The following FMN2 variants were observed in gnomAD, a reference collection of about 807,000 sequenced individuals.
The protein encoded by FMN2 is formin 2.
Under a neutral mutation model 142.3 loss-of-function variants are expected in FMN2, and 51 were observed. The ratio of observed to expected loss-of-function variants is 0.36; its 90% CI spans 0.29 to 0.45. The LOEUF (loss-of-function observed/expected upper bound fraction) is 0.45. Among genes scored for constraint, FMN2 ranks in the 20% least tolerant of loss-of-function variants. The pLI is 1.00. For synonymous variants in FMN2, 882 were observed against 869.8 expected (o/e 1.01, Z -0.25); for missense variants, 1,936 against 2,122.8 (o/e 0.91, Z 1.73).
intron 7 of FMN2, among the ~76,000 whole-genome samples, chr1:240,269,436 G>T (rs953546638): frequency 6.6e-6 from 1 of 151,938 alleles, no homozygotes; most frequent in Non-Finnish European, 1.5e-5. Flanking sequence ...ATACTGTTTT[G>T]ATTACTATAG....
At chr1:240,142,475 A>ATATTTATTTATTTATTTATTTATT (rs142700570) in intron 2 of FMN2, among the ~76,000 whole-genome samples, 2,232 of 146,206 alleles carry the variant, frequency 0.015, 22 homozygotes, top group South Asian at 0.024. Context: ...AAACCTTTTC[A>ATATTTATTTATTTATTTATTTATT]TATTTATTTA....
intron 14 of FMN2, among the ~76,000 whole-genome samples, chr1:240,392,115 G>GTTT (rs577730785): frequency 4.8e-5 from 7 of 145,966 alleles, no homozygotes; most frequent in African/African-American, 1.7e-4. Flanking sequence ...TCTGTTTAGG[G>GTTT]TTTTTTTTTT....
At chr1:240,458,627 CTAAGAT>C (rs1446610125) in intron 16 of FMN2, 2 of 152,110 alleles carry the variant, frequency 1.3e-5, no homozygotes, top group Non-Finnish European at 2.9e-5. Context: ...ACAAAAATCA[CTAAGAT>C]TAAGAAAATA....
At chr1:240,228,328 A>AAAAAAAAAAAG (rs1558380489) in intron 6 of FMN2, among the ~76,000 whole-genome samples, 9 of 66,366 alleles carry the variant, frequency 1.4e-4, no homozygotes, top group Non-Finnish European at 1.9e-4. Context: ...AAAAAAAAAA[A>AAAAAAAAAAAG]AAAAGAAAAA....
At chr1:240,184,428 G>A (rs918318737) in intron 3 of FMN2, among the ~76,000 whole-genome samples, 1 of 150,844 alleles carries the variant, frequency 6.6e-6, no homozygotes, top group African/African-American at 2.4e-5. Context: ...TAGAGACGGG[G>A]TTTCACCGTA....
chr1:240,270,007 T>C (rs1365004550), intron 7 of FMN2, among the ~76,000 whole-genome samples: 2 of 152,056 alleles, frequency 1.3e-5, no homozygotes, highest in East Asian at 3.9e-4. Context: ...CTTTTCTATC[T>C]GAATGCCTTT....
intron 8 of FMN2, among the ~76,000 whole-genome samples, chr1:240,310,233 C>T (rs550049711): frequency 3.0e-4 from 46 of 152,272 alleles, no homozygotes; most frequent in Non-Finnish European, 5.7e-4. Flanking sequence ...AAAAATATCG[C>T]TAACCTAAAT....
intron 2 of FMN2, among the ~76,000 whole-genome samples, chr1:240,164,702 TATTC>T (rs1181127690): frequency 1.3e-5 from 2 of 152,218 alleles, no homozygotes; most frequent in African/African-American, 2.4e-5. Context: ...ATAATCTGTT[TATTC>T]ATTCATTGAA....
chr1:240,427,508 A>G (rs1033222812), intron 15 of FMN2, among the ~76,000 whole-genome samples: 2 of 152,170 alleles, frequency 1.3e-5, no homozygotes, highest in Non-Finnish European at 2.9e-5. Flanking sequence ...CCTGGCCACA[A>G]CTGATTTTAT....
chr1:240,191,080 C>T (rs1665679789), intron 4 of FMN2, among the ~76,000 whole-genome samples: 1 of 152,144 alleles, frequency 6.6e-6, no homozygotes, highest in Non-Finnish European at 1.5e-5. Context: ...GCGTTGCCTG[C>T]GTTCTTCTGT....
chr1:240,148,183 C>G (rs1663569474), intron 2 of FMN2, among the ~76,000 whole-genome samples: 2 of 150,726 alleles, frequency 1.3e-5, no homozygotes, highest in African/African-American at 2.4e-5. Flanking sequence ...CGGAGAGAGA[C>G]AGAGACAGGG....
At chr1:240,151,171 C>G (rs907134138) in intron 2 of FMN2, among the ~76,000 whole-genome samples, 2 of 152,118 alleles carry the variant, frequency 1.3e-5, no homozygotes, top group African/African-American at 4.8e-5. Flanking sequence ...CTCAGTAGAT[C>G]AAAGCACTGC....
intron 3 of FMN2, among the ~76,000 whole-genome samples, chr1:240,185,852 C>T (rs376770143): frequency 9.9e-5 from 15 of 151,972 alleles, no homozygotes; most frequent in East Asian, 1.9e-4. Flanking sequence ...TTGGAAGTGA[C>T]GAAAAACAAT....
chr1:240,266,681 ATG>A (rs1357499890), intron 7 of FMN2, among the ~76,000 whole-genome samples: 2 of 152,080 alleles, frequency 1.3e-5, no homozygotes, highest in African/African-American at 4.8e-5. Context: ...ATATGAGTGC[ATG>A]TGTCTTTTTG....
chr1:240,369,046 C>T lies in FMN2; in HGVS notation c.4858+13138C>T, dbSNP rs549043672. Among the ~76,000 whole-genome samples the T allele has an allele frequency of 1.1e-3, 169 of 151,966 alleles. 1 individual carries two copies. Among genetic ancestry groups the T allele is most frequent in the South Asian group, 8.1e-3 (39 of 4,812 alleles). On this transcript the variant is annotated intron_variant, in intron 14 of 17. Coordinates refer to ENST00000319653, the MANE Select transcript of FMN2 (RefSeq NM_020066.5). ...TTCACATAGGTACCGTGTGTGCACG[C>T]GCACGCACCCTGTGTACTGCTGAAT...
intron 2 of FMN2, among the ~76,000 whole-genome samples, chr1:240,123,720 A>G (rs556773175): frequency 2.0e-5 from 3 of 152,322 alleles, no homozygotes; most frequent in South Asian, 2.1e-4. Flanking sequence ...GTTTAGTGGC[A>G]TCAAATACAT....
chr1:240,296,324 A>G (rs1341372728), intron 8 of FMN2, among the ~76,000 whole-genome samples: 1 of 151,456 alleles, frequency 6.6e-6, no homozygotes, highest in African/African-American at 2.4e-5. Flanking sequence ...CTAGAATGTG[A>G]CATTAAATAA....
chr1:240,093,572 A>G lies in FMN2; in HGVS notation c.1463A>G (p.Glu488Gly). 1 of 1,466,702 alleles carries G rather than the reference A, an allele frequency of 6.8e-7. No homozygotes were observed. The highest frequency in any genetic ancestry group is 8.9e-7 in the Non-Finnish European group (1 of 1,119,142). 90.9% of individuals were successfully genotyped at this position (1,466,702 alleles called of 1,614,324 possible). A position where few individuals can be genotyped will look rare whatever the true frequency, so the allele number is the denominator to read the frequency against. The change falls in exon 1 of 18, where the codon GAG (glutamate) becomes GGG (glycine). Residue 488 changes from glutamate (E) to glycine (G), a missense_variant. This residue lies in a region of FMN2 where 751 missense variants were observed against 791.8 expected (regional missense o/e 0.95). Coordinates refer to ENST00000319653, the MANE Select transcript of FMN2 (RefSeq NM_020066.5). ...GLSRSADWTEELGARTPRVGG... is the reference protein window; with the variant it reads ...GLSRSADWTEGLGARTPRVGG... ...AGCCGCTCGGCTGACTGGACGGAGGAGCTAGGCGCCCGCACGCCCCGGGTG... is the reference window on the plus strand; with the variant it reads ...AGCCGCTCGGCTGACTGGACGGAGGGGCTAGGCGCCCGCACGCCCCGGGTG...
chr1:240,436,703 A>G (rs1395346861), intron 15 of FMN2, among the ~76,000 whole-genome samples: 2 of 151,880 alleles, frequency 1.3e-5, no homozygotes, highest in African/African-American at 2.4e-5. Flanking sequence ...CAATATTTTA[A>G]TGCTCAAACT....
Sources: allele counts gnomAD v4.1 joint callset (sites outside exome capture counted in the v4.1 genomes callset), GRCh38; gene constraint gnomAD v4.1.1; regional missense constraint gnomAD v4.1.1; transcripts MANE v1.5; gene names NCBI Gene and HGNC (gene_info 2026-07-23, HGNC 2026-07-21).